PMP22: variants seen among roughly 807,000 people sequenced by gnomAD.
The protein encoded by PMP22 is Charcot-Marie-Tooth neuropathy 1A (greatly reduced nerve conduction velocity, hereditary motor sensory neuropathy Ia).
A neutral mutation model predicts 18.9 loss-of-function variants in PMP22; 2 were observed. That is an observed-to-expected ratio of 0.11 (90% CI 0.04 to 0.33). PMP22 has a LOEUF of 0.33. PMP22 is among the 10% of genes least tolerant of loss of function. The probability of loss-of-function intolerance (pLI) is 1.00; values close to 1 mark genes in which losing one functional copy is unlikely to be tolerated. For synonymous variants in PMP22, 95 were observed against 89.2 expected, an observed-to-expected ratio of 1.07 and a Z score of -0.37; for missense variants, 169 against 202.2, an observed-to-expected ratio of 0.84 and a Z score of 1.00.
chr17:15,258,948 T>C lies in PMP22; in HGVS notation c.178+146A>G. The C allele has an allele frequency of 1.4e-6, 1 of 707,854 alleles. No individual in the cohort carries two copies. Among genetic ancestry groups the C allele is most frequent in the South Asian group, 1.5e-5 (1 of 66,474 alleles). The allele number at this position is 707,854 out of a possible 1,614,324, so 43.8% of individuals were successfully genotyped here. ...AGATCACCACCCCTCCCATTTTCCC[T>C]GGACTCATGGCTCCCTGTCACATCC... On this transcript the variant is annotated intron_variant, in intron 3 of 4. Coordinates refer to ENST00000312280, the MANE Select transcript of PMP22 (RefSeq NM_000304.4). This position sits in a 1 kb window ranked among gnomAD's most constrained non-coding sequence, Gnocchi z 4.1.
Position 15,239,595 on chromosome 17 carries a change from G to A in PMP22, c.195C>T (p.Val65=), listed in dbSNP as rs767172855. 18 of 1,613,972 alleles carry A rather than the reference G, an allele frequency of 1.1e-5. No homozygotes were observed. In the South Asian group the frequency reaches 2.0e-4, roughly 18 times the overall value. ...SSSPNEWLQS[V]QATMILSIIF... is the part of the protein sequence containing the mutation. ...TGATCGACAGGATCATGGTGGCCTG[G>A]ACAGACTGCAGCCATTCTGGGGGAA... is the stretch of plus-strand genomic sequence containing the variant. Residue 65 remains valine, a synonymous_variant, in exon 4 of 5, where the codon GTC becomes GTT. Transcript: ENST00000312280.
rs111928632 is a variant in PMP22 at position 15,252,396 on chromosome 17, T to TTGC, written c.178+6695_178+6697dup. 4.9e-3 allele frequency among the ~76,000 whole-genome samples: 734 copies of TTGC among 151,082 alleles called. 6 individuals are homozygous for TTGC. Among genetic ancestry groups the TTGC allele is most frequent in the East Asian group, 0.029 (149 of 5,112 alleles). Reference sequence around the variant, plus strand: ...CCTATTGATAGTCATGAGTTTGCTGTTGCTGCTGCTGCTGCTGCTGCTGCT... The same window carrying TTGC: ...CCTATTGATAGTCATGAGTTTGCTGTTGCTGCTGCTGCTGCTGCTGCTGCTGCT... On this transcript the variant is annotated intron_variant, in intron 3 of 4. Coordinates refer to ENST00000312280, the MANE Select transcript of PMP22 (RefSeq NM_000304.4).
At chr17:15,246,720 G>A (rs1271472228) in intron 3 of PMP22, among the ~76,000 whole-genome samples, 1 of 152,232 alleles carries the variant, frequency 6.6e-6, no homozygotes, top group Non-Finnish European at 1.5e-5. Context: ...CATTTGTGGA[G>A]TTTCCAGTGG....
chr17:15,259,449 C>G (rs1255112552), intron 2 of PMP22, among the ~76,000 whole-genome samples: 2 of 152,100 alleles, frequency 1.3e-5, no homozygotes, highest in African/African-American at 4.8e-5. Flanking sequence ...CCTTAGACAC[C>G]TGCATTCAAG....
intron 4 of PMP22, among the ~76,000 whole-genome samples, chr17:15,237,832 C>T (rs1906942208): frequency 1.3e-5 from 2 of 152,134 alleles, no homozygotes; most frequent in Admixed American, 6.5e-5. Context: ...GAGCGAGGCA[C>T]ATCTCACACA....
At chr17:15,239,653 C>T (rs1372865237) in intron 3 of PMP22, 42 bp from the exon 4 acceptor site, 23 of 1,610,900 alleles carry the variant, frequency 1.4e-5, no homozygotes, top group African/African-American at 2.7e-5. Context: ...TGGCCATGGC[C>T]GGGGGAGGGC....
chr17:15,262,920 C>G (rs1008328003), intron 1 of PMP22, among the ~76,000 whole-genome samples: 11 of 152,080 alleles, frequency 7.2e-5, no homozygotes, highest in Admixed American at 2.0e-4. Context: ...TCTGGGCCCG[C>G]CGACGCCGAC....
chr17:15,230,776 AC>A lies in PMP22; in HGVS notation c.*140del. ...TTATATACATCTTCAATCAACAGCA[AC>A]CCCCACCTCCACTGCTTTCTGTTTG... On this transcript the variant is annotated 3_prime_UTR_variant, in exon 5 of 5. Coordinates refer to ENST00000312280, the MANE Select transcript of PMP22 (RefSeq NM_000304.4). The A allele has an allele frequency of 1.2e-6, 1 of 814,180 alleles. No individual in the cohort carries two copies. The highest frequency in any genetic ancestry group is 2.1e-6 in the Non-Finnish European group (1 of 484,340). The allele number at this position is 814,180 out of a possible 1,614,324, so 50.4% of individuals were successfully genotyped here.
At chr17:15,259,706 C>A (rs1909138564) in intron 2 of PMP22, among the ~76,000 whole-genome samples, 1 of 151,222 alleles carries the variant, frequency 6.6e-6, no homozygotes, top group Admixed American at 6.6e-5. Flanking sequence ...CTTTGGGAGG[C>A]AGAGGTGGGC....
intron 4 of PMP22, chr17:15,235,385 A>G (rs1206120080): frequency 4.3e-6 from 3 of 704,806 alleles, no homozygotes; most frequent in East Asian, 5.4e-5. Flanking sequence ...TGTAAGCAGT[A>G]AAATAAATCA....
chr17:15,264,309 A>G (rs1210754320), intron 1 of PMP22, among the ~76,000 whole-genome samples: 1 of 152,212 alleles, frequency 6.6e-6, no homozygotes, highest in Admixed American at 6.5e-5. Context: ...AGTAGAAAAA[A>G]AAGTCTAAAG....
intron 4 of PMP22, among the ~76,000 whole-genome samples, chr17:15,234,813 T>C (rs1465805898): frequency 3.1e-5 from 4 of 127,890 alleles, no homozygotes. Context: ...CACCAAATTC[T>C]TTTTTTTTTT....
rs778072164 is a variant in PMP22 at position 15,259,173 on chromosome 17, T to C, written c.99A>G (p.Gly33=). The C allele has an allele frequency of 6.2e-7, 1 of 1,613,404 alleles. No individual in the cohort carries two copies. Among genetic ancestry groups the C allele is most frequent in the African/African-American group, 1.3e-5 (1 of 75,012 alleles). The change falls in exon 3 of 5, where the codon GGA becomes GGG. Residue 33 remains glycine, a synonymous_variant. Transcript: ENST00000312280. The part of the protein sequence containing the change: ...TIVSQWIVGN[G]HATDLWQNCS... The stretch of plus-strand genomic sequence containing the variant: ...AGTTCTGCCAGAGATCAGTTGCGTG[T>C]CCATTGCCCACGATCCATTGCTAGA...
intron 4 of PMP22, among the ~76,000 whole-genome samples, chr17:15,232,125 C>T (rs1304694517): frequency 3.3e-5 from 5 of 151,864 alleles, no homozygotes; most frequent in Non-Finnish European, 5.9e-5. Context: ...CCAATGCACC[C>T]GCGCCCCCCC....
In PMP22 at chr17:15,256,476, A is replaced by G. The variant is rs1424656394; in HGVS notation, c.178+2618T>C. On this transcript the variant is annotated intron_variant, in intron 3 of 4. Coordinates refer to ENST00000312280, the MANE Select transcript of PMP22 (RefSeq NM_000304.4). The stretch of plus-strand genomic sequence containing the variant: ...GCCCAACATGATGAAACCCCTCTCT[A>G]CTAAAAATACAAAAATTAGCCAGGC... 2.0e-5 allele frequency among the ~76,000 whole-genome samples: 3 copies of G among 152,132 alleles called. 1 individual carries two copies. The highest frequency in any genetic ancestry group is 4.4e-5 in the Non-Finnish European group (3 of 68,034).
chr17:15,238,622 G>T (rs1030619910), intron 4 of PMP22, among the ~76,000 whole-genome samples: 6 of 152,222 alleles, frequency 3.9e-5, no homozygotes, highest in African/African-American at 1.4e-4. Flanking sequence ...TCAACAGACA[G>T]ACATGTAAGA....
chr17:15,234,802 C>T (rs1461845714), intron 4 of PMP22, among the ~76,000 whole-genome samples: 3 of 151,424 alleles, frequency 2.0e-5, no homozygotes, highest in Non-Finnish European at 4.4e-5. Context: ...TAATCCCCCC[C>T]CACCAAATTC....
Position 15,258,869 on chromosome 17 carries a change from T to C in PMP22, c.178+225A>G, listed in dbSNP as rs1176096392. On this transcript the variant is annotated intron_variant, in intron 3 of 4. Coordinates refer to ENST00000312280, the MANE Select transcript of PMP22 (RefSeq NM_000304.4). This position sits in a 1 kb window ranked among gnomAD's most constrained non-coding sequence, Gnocchi z 4.1. ...AGTGATCAGGAGGGCACTAAGGGCA[T>C]GTCTCTAGGTAGAGTGAATCACAAT... 2 of 603,664 alleles carry C rather than the reference T, an allele frequency of 3.3e-6. No individual in the cohort carries two copies. Among genetic ancestry groups the C allele is most frequent in the African/African-American group, 1.8e-5 (1 of 54,510 alleles). The allele number at this position is 603,664 out of a possible 1,614,324, so 37.4% of individuals were successfully genotyped here. A position where few individuals can be genotyped will look rare whatever the true frequency, so the allele number is the denominator to read the frequency against.
chr17:15,252,735 T>C (rs940770026), intron 3 of PMP22, among the ~76,000 whole-genome samples: 4 of 152,230 alleles, frequency 2.6e-5, no homozygotes, highest in Non-Finnish European at 5.9e-5. Context: ...CAACTACCTT[T>C]TCTTCTGAGA....
Sources: gnomAD v4.1 joint callset for allele counts (sites outside exome capture counted in the v4.1 genomes callset) on GRCh38, gnomAD v4.1.1 for gene constraint, Gnocchi (gnomAD v3.1) non-coding constraint, MANE v1.5 for transcripts, NCBI Gene and HGNC (gene_info 2026-07-23, HGNC 2026-07-21) for gene names.